RBFOX3: variants seen among roughly 807,000 people sequenced by gnomAD.
RBFOX3 encodes the protein RNA binding protein fox-1 homolog 3.
A neutral mutation model predicts 48.7 loss-of-function variants in RBFOX3; 17 were observed. The observed-to-expected ratio is 0.35, with a 90% CI of 0.24 to 0.52. RBFOX3 has a LOEUF of 0.52. Among genes scored for constraint, RBFOX3 ranks in the 20% least tolerant of loss-of-function variants. The pLI is 0.94. For missense variants in RBFOX3, 382 were observed against 497.5 expected, an observed-to-expected ratio of 0.77 and a Z score of 2.21; for synonymous variants, 212 against 209.5, an observed-to-expected ratio of 1.01 and a Z score of -0.10.
intron 2 of RBFOX3, among the ~76,000 whole-genome samples, chr17:79,449,599 C>T (rs901508214): frequency 6.7e-5 from 7 of 104,634 alleles, no homozygotes; most frequent in African/African-American, 2.3e-4. Flanking sequence ...TACTGATGTG[C>T]TTATTTGAAA....
intron 4 of RBFOX3, among the ~76,000 whole-genome samples, chr17:79,166,005 C>T (rs955401808): frequency 5.3e-5 from 8 of 152,214 alleles, no homozygotes; most frequent in African/African-American, 1.2e-4. Flanking sequence ...CCACAGGCCC[C>T]GGGTTTACAC....
intron 4 of RBFOX3, among the ~76,000 whole-genome samples, chr17:79,157,541 C>A (rs902210090): frequency 9.2e-5 from 14 of 152,222 alleles, no homozygotes; most frequent in Admixed American, 2.6e-4. Flanking sequence ...AGGGACTCAG[C>A]GTGGTAGAGT....
At chr17:79,154,812 C>A (rs1312252701) in intron 4 of RBFOX3, among the ~76,000 whole-genome samples, 1 of 152,218 alleles carries the variant, frequency 6.6e-6, no homozygotes, top group African/African-American at 2.4e-5. Context: ...GTCTGGGCCT[C>A]CCCCAAACCC....
chr17:79,610,328 C>T (rs992698635), intron 1 of RBFOX3, among the ~76,000 whole-genome samples: 7,267 of 152,048 alleles, frequency 0.048, 586 homozygotes, highest in African/African-American at 0.17. Context: ...CAGCCTCTCT[C>T]CCACCCGCGC....
Position 79,456,892 on chromosome 17 carries a change from T to G in RBFOX3, c.-175+25562A>C, listed in dbSNP as rs142575834. Among the ~76,000 whole-genome samples the G allele has an allele frequency of 3.8e-4, 58 of 152,324 alleles. No individual in the cohort carries two copies. The East Asian group carries it at 9.6e-3, about 25-fold the overall frequency. On this transcript the variant is annotated intron_variant, in intron 2 of 14. Coordinates refer to ENST00000693108, the MANE Select transcript of RBFOX3 (RefSeq NM_001350451.2). ...ACCCACTCAGCACAGGGCTGCCTCC[T>G]CCCATCCTAAATCCCCCAAGTTGTT... is the stretch of plus-strand genomic sequence containing the variant.
chr17:79,657,712 C>T, the RBFOX3 span, among the ~76,000 whole-genome samples: 2 of 150,388 alleles, frequency 1.3e-5, no homozygotes, highest in Admixed American at 1.3e-4. Context: ...ACCTGGAGCA[C>T]CCAACAGGCT....
the RBFOX3 span, among the ~76,000 whole-genome samples, chr17:79,653,114 A>G: frequency 1.3e-5 from 2 of 152,222 alleles, no homozygotes; most frequent in Non-Finnish European, 2.9e-5. Context: ...TGAACATGAG[A>G]ACAGAATAAA....
intron 3 of RBFOX3, among the ~76,000 whole-genome samples, chr17:79,251,882 G>A (rs554744731): frequency 1.3e-5 from 2 of 152,346 alleles, no homozygotes; most frequent in African/African-American, 4.8e-5. Context: ...TCAGGCTGAG[G>A]AGAGCGTCTT....
At chr17:79,433,575 A>C (rs1555729513) in intron 2 of RBFOX3, among the ~76,000 whole-genome samples, 2 of 152,008 alleles carry the variant, frequency 1.3e-5, no homozygotes, top group Admixed American at 1.3e-4. Flanking sequence ...TGGCTGGGAG[A>C]AGAACCTCCC....
chr17:79,537,117 CA>C (rs76938800), intron 1 of RBFOX3, among the ~76,000 whole-genome samples: 3,491 of 127,462 alleles, frequency 0.027, 79 homozygotes, highest in African/African-American at 0.062. Flanking sequence ...AAACAAAAAA[CA>C]AAAAAAAAAA....
intron 4 of RBFOX3, among the ~76,000 whole-genome samples, chr17:79,184,355 G>A (rs1245119511): frequency 6.6e-6 from 1 of 152,170 alleles, no homozygotes; most frequent in African/African-American, 2.4e-5. Flanking sequence ...AGACACACTG[G>A]ACTTGACGTG....
At chr17:79,493,057 T>C (rs1389030464) in intron 1 of RBFOX3, among the ~76,000 whole-genome samples, 2 of 152,108 alleles carry the variant, frequency 1.3e-5, no homozygotes, top group Non-Finnish European at 2.9e-5. Flanking sequence ...CTGCAGGCTG[T>C]ACAGGAAGCA....
intron 2 of RBFOX3, among the ~76,000 whole-genome samples, chr17:79,322,033 A>C (rs113752763): frequency 0.01 from 1,561 of 152,320 alleles, 12 homozygotes; most frequent in Non-Finnish European, 0.017. Context: ...GCAGGAGCAG[A>C]AACTGATCTT....
intron 2 of RBFOX3, among the ~76,000 whole-genome samples, chr17:79,472,153 A>C (rs1478965265): frequency 1.3e-5 from 2 of 152,196 alleles, no homozygotes; most frequent in Non-Finnish European, 2.9e-5. Context: ...CTTGGCCTCC[A>C]TCCCAGAGAG....
At chr17:79,326,304 G>A (rs1222847006) in intron 2 of RBFOX3, among the ~76,000 whole-genome samples, 1 of 152,140 alleles carries the variant, frequency 6.6e-6, no homozygotes, top group Non-Finnish European at 1.5e-5. Context: ...GAGGCGCCAG[G>A]ATGTCCCTCC....
At chr17:79,177,012 ACTGGCCTCCC>A (rs1568287427) in intron 4 of RBFOX3, among the ~76,000 whole-genome samples, 1 of 152,112 alleles carries the variant, frequency 6.6e-6, no homozygotes, top group East Asian at 1.9e-4. Flanking sequence ...GTCGGAATCC[ACTGGCCTCCC>A]CTAGTCCCCA....
chr17:79,442,731 G>A (rs1245038102), intron 2 of RBFOX3, among the ~76,000 whole-genome samples: 1 of 152,000 alleles, frequency 6.6e-6, no homozygotes, highest in Non-Finnish European at 1.5e-5. Context: ...ATTGCCAGAG[G>A]AAGCTGCAGG....
At chr17:79,478,798 G>A (rs945305959) in intron 2 of RBFOX3, among the ~76,000 whole-genome samples, 6 of 152,162 alleles carry the variant, frequency 3.9e-5, no homozygotes, top group South Asian at 2.1e-4. Context: ...GACAAATCTC[G>A]TTTTGCAGCA....
intron 4 of RBFOX3, among the ~76,000 whole-genome samples, chr17:79,144,781 C>T (rs1198708874): frequency 6.6e-6 from 1 of 152,190 alleles, no homozygotes; most frequent in East Asian, 1.9e-4. Context: ...CACAGGAAGG[C>T]AGAGCTCAGG....
Sources: allele counts gnomAD v4.1 joint callset (sites outside exome capture counted in the v4.1 genomes callset), GRCh38; gene constraint gnomAD v4.1.1; transcripts MANE v1.5; gene names NCBI Gene and HGNC (gene_info 2026-07-23, HGNC 2026-07-21).